DDAH1: variants seen among roughly 807,000 people sequenced by gnomAD.
The protein encoded by DDAH1 is dimethylarginine dimethylaminohydrolase 1.
A neutral mutation model predicts 28.8 loss-of-function variants in DDAH1; 19 were observed. The ratio of observed to expected loss-of-function variants is 0.66; its 90% CI spans 0.46 to 0.97. The LOEUF (loss-of-function observed/expected upper bound fraction) is 0.97. DDAH1 is among the 50% of genes least tolerant of loss of function. DDAH1 has a pLI of 0.00. For synonymous variants in DDAH1, 153 were observed against 154.4 expected, an observed-to-expected ratio of 0.99 and a Z score of 0.07; for missense variants, 326 against 375.9, an observed-to-expected ratio of 0.87 and a Z score of 1.10.
At chr1:85,553,137 C>A (rs892105479) in intron 1 of DDAH1, among the ~76,000 whole-genome samples, 1 of 152,104 alleles carries the variant, frequency 6.6e-6, no homozygotes, top group African/African-American at 2.4e-5. Flanking sequence ...CCAGCCACCC[C>A]TACCAAGGTA....
chr1:85,388,914 T>C (rs1198122206), intron 1 of DDAH1, among the ~76,000 whole-genome samples: 1 of 152,242 alleles, frequency 6.6e-6, no homozygotes, highest in Non-Finnish European at 1.5e-5. Flanking sequence ...AGAGGCTATG[T>C]AGCAAAATGA....
At chr1:85,417,394 T>G (rs572164391) in intron 1 of DDAH1, among the ~76,000 whole-genome samples, 1 of 152,310 alleles carries the variant, frequency 6.6e-6, no homozygotes, top group African/African-American at 2.4e-5. Flanking sequence ...GCTTGTGTTC[T>G]AGGCCTCATC....
At chr1:85,428,008 T>C (rs1051746971) in intron 1 of DDAH1, among the ~76,000 whole-genome samples, 14 of 152,186 alleles carry the variant, frequency 9.2e-5, no homozygotes, top group Non-Finnish European at 1.8e-4. Context: ...CCCAGTCTTA[T>C]TGGTTATAGA....
intron 4 of DDAH1, among the ~76,000 whole-genome samples, chr1:85,331,451 C>T (rs1267635294): frequency 7.9e-6 from 1 of 125,932 alleles, no homozygotes; most frequent in Non-Finnish European, 1.8e-5. Flanking sequence ...CATAATGTAC[C>T]CATCTTAACA....
intron 1 of DDAH1, among the ~76,000 whole-genome samples, chr1:85,540,960 TAAAAAAA>T (rs140965112): frequency 2.8e-5 from 3 of 106,672 alleles, no homozygotes; most frequent in Admixed American, 1.0e-4. Flanking sequence ...ACTCAGTATC[TAAAAAAA>T]AAAAAAAAAA....
At chr1:85,467,142 A>G (rs1655417915), upstream of DDAH1, among the ~76,000 whole-genome samples, 1 of 151,980 alleles carries the variant, frequency 6.6e-6, no homozygotes, top group African/African-American at 2.4e-5. Flanking sequence ...CAGCCTATTT[A>G]TTCTTATTAT....
intron 4 of DDAH1, among the ~76,000 whole-genome samples, chr1:85,350,194 TG>T (rs1649117660): frequency 6.6e-6 from 1 of 152,142 alleles, no homozygotes; most frequent in Admixed American, 6.5e-5. Context: ...AAATCTGGTG[TG>T]TAACTAAAAA....
At chr1:85,490,913 C>A (rs758558739) in intron 2 of DDAH1, among the ~76,000 whole-genome samples, 1 of 152,294 alleles carries the variant, frequency 6.6e-6, no homozygotes, top group South Asian at 2.1e-4. Flanking sequence ...GAGATTCTGG[C>A]CTCTTGGCTC....
intron 1 of DDAH1, among the ~76,000 whole-genome samples, chr1:85,511,591 A>G (rs1332035016): frequency 3.3e-5 from 5 of 152,232 alleles, no homozygotes; most frequent in Non-Finnish European, 5.9e-5. Flanking sequence ...AACAAAATTG[A>G]TAGACCACTA....
chr1:85,390,418 A>C (rs747409682), intron 1 of DDAH1, among the ~76,000 whole-genome samples: 8 of 152,218 alleles, frequency 5.3e-5, no homozygotes, highest in Non-Finnish European at 8.8e-5. Flanking sequence ...TAGGAACTAC[A>C]AGATGAGATT....
At chr1:85,404,119 GA>G in intron 1 of DDAH1, among the ~76,000 whole-genome samples, 1 of 151,426 alleles carries the variant, frequency 6.6e-6, no homozygotes, top group Admixed American at 6.6e-5. Flanking sequence ...CCATACGAAA[GA>G]AAAAAAAGGC....
chr1:85,560,860 A>G (rs186912674), intron 1 of DDAH1, among the ~76,000 whole-genome samples: 170 of 152,240 alleles, frequency 1.1e-3, no homozygotes, highest in African/African-American at 4.0e-3. Flanking sequence ...ATGTATAAAC[A>G]TTAAGGTTTT....
At chr1:85,462,045 TGTGA>T (rs1446538144) in intron 1 of DDAH1, among the ~76,000 whole-genome samples, 3 of 152,324 alleles carry the variant, frequency 2.0e-5, no homozygotes, top group Admixed American at 1.3e-4. Context: ...AAAGAGTTGA[TGTGA>T]GTATTAATGA....
chr1:85,489,432 A>G (rs529203263), intron 2 of DDAH1, among the ~76,000 whole-genome samples: 44 of 152,298 alleles, frequency 2.9e-4, no homozygotes, highest in Non-Finnish European at 5.1e-4. Flanking sequence ...TAAAAGAGTA[A>G]CACTGTTGGC....
At chr1:85,322,873 G>A (rs1661410518) in intron 5 of DDAH1, among the ~76,000 whole-genome samples, 1 of 152,180 alleles carries the variant, frequency 6.6e-6, no homozygotes, top group African/African-American at 2.4e-5. Flanking sequence ...GGCTAAAGAG[G>A]GATGAATGAT....
intron 1 of DDAH1, among the ~76,000 whole-genome samples, chr1:85,530,125 TG>T (rs1347666428): frequency 6.6e-6 from 1 of 152,204 alleles, no homozygotes; most frequent in African/African-American, 2.4e-5. Flanking sequence ...CCAAACCTTT[TG>T]CAACAAGTAT....
intron 1 of DDAH1, among the ~76,000 whole-genome samples, chr1:85,389,687 A>C (rs1260980329): frequency 6.6e-6 from 1 of 152,212 alleles, no homozygotes; most frequent in East Asian, 1.9e-4. Flanking sequence ...GGAGATGCTA[A>C]CAAGTTTTAT....
chr1:85,345,571 G>T (rs1018229951), intron 4 of DDAH1, among the ~76,000 whole-genome samples: 1 of 152,156 alleles, frequency 6.6e-6, no homozygotes, highest in Admixed American at 6.5e-5. Flanking sequence ...CCCTAGATTG[G>T]TACCCTGTAT....
At chr1:85,449,500 T>C (rs11587876) in intron 1 of DDAH1, among the ~76,000 whole-genome samples, 32,161 of 151,974 alleles carry the variant, frequency 0.21, 3,517 homozygotes, top group East Asian at 0.32. Flanking sequence ...AACAGACCTA[T>C]TGAACAAGGG....
Sources: gnomAD v4.1 joint callset for allele counts (sites outside exome capture counted in the v4.1 genomes callset) on GRCh38, gnomAD v4.1.1 for gene constraint, MANE v1.5 for transcripts, NCBI Gene and HGNC (gene_info 2026-07-23, HGNC 2026-07-21) for gene names.